Variants in SHISA9 observed in about 807,000 individuals in gnomAD.
SHISA9 encodes the protein shisa family member 9, also known as protein shisa-9.
In SHISA9, 13 loss-of-function variants were observed where a neutral mutation model predicts 38.0. The ratio of observed to expected loss-of-function variants is 0.34; its 90% CI spans 0.22 to 0.54. SHISA9 has a LOEUF of 0.54. Among genes scored for constraint, SHISA9 ranks in the 20% least tolerant of loss-of-function variants. SHISA9 has a pLI of 0.91. For synonymous variants in SHISA9, 275 were observed against 242.0 expected, an observed-to-expected ratio of 1.14 and a Z score of -1.27; for missense variants, 538 against 575.8, an observed-to-expected ratio of 0.93 and a Z score of 0.67.
chr16:13,220,941 G>GCAAAGCC (rs2051218114), intron 4 of SHISA9, among the ~76,000 whole-genome samples: 1 of 151,982 alleles, frequency 6.6e-6, no homozygotes, highest in African/African-American at 2.4e-5. Flanking sequence ...CAGCTTTGTT[G>GCAAAGCC]CAAAGCCCAA....
At chr16:13,392,404 A>G in the SHISA9 span, among the ~76,000 whole-genome samples, 2 of 152,166 alleles carry the variant, frequency 1.3e-5, no homozygotes, top group South Asian at 4.1e-4. Flanking sequence ...CACCTTAAAT[A>G]TATACATTTA....
chr16:13,517,738 A>T, the SHISA9 span, among the ~76,000 whole-genome samples: 2 of 152,190 alleles, frequency 1.3e-5, no homozygotes, highest in African/African-American at 4.8e-5. Context: ...CCTCCCAGTT[A>T]CATGGCAGGC....
chr16:12,916,366 A>T (rs1336091323), intron 1 of SHISA9, among the ~76,000 whole-genome samples: 1 of 152,230 alleles, frequency 6.6e-6, no homozygotes, highest in Non-Finnish European at 1.5e-5. Context: ...GTTAGATATA[A>T]AGAGAGAACT....
chr16:13,282,709 T>C, the SHISA9 span, among the ~76,000 whole-genome samples: 1 of 152,252 alleles, frequency 6.6e-6, no homozygotes, highest in East Asian at 1.9e-4. Flanking sequence ...TTCTTTAGGT[T>C]GCATAACTTT....
intron 2 of SHISA9, among the ~76,000 whole-genome samples, chr16:13,130,909 T>A (rs1295933484): frequency 6.6e-6 from 1 of 152,138 alleles, no homozygotes; most frequent in Non-Finnish European, 1.5e-5. Context: ...GAAACCACAG[T>A]GAGATACCAA....
chr16:12,915,568 C>T (rs1454990708), intron 1 of SHISA9, among the ~76,000 whole-genome samples: 9 of 152,292 alleles, frequency 5.9e-5, no homozygotes, highest in Admixed American at 2.6e-4. Flanking sequence ...GCAATGATGG[C>T]AGCTGTTTGT....
the SHISA9 span, among the ~76,000 whole-genome samples, chr16:13,253,828 A>T: frequency 6.6e-6 from 1 of 152,212 alleles, no homozygotes; most frequent in Non-Finnish European, 1.5e-5. Flanking sequence ...TAAGGTCAAA[A>T]GGTGACACAT....
In SHISA9 at chr16:13,199,753, C is replaced by A. The variant is rs78011571; in HGVS notation, c.692-3641C>A. 3.5e-3 allele frequency among the ~76,000 whole-genome samples: 527 copies of A among 152,270 alleles called. 3 individuals are homozygous for A. Among genetic ancestry groups the A allele is most frequent in the African/African-American group, 0.011 (462 of 41,556 alleles). On this transcript the variant is annotated intron_variant, in intron 2 of 4. Transcript: ENST00000558583. The stretch of plus-strand genomic sequence containing the variant: ...GGCCCAGCATAGATCACATGCTCTC[C>A]TCTGGTCCAATCATCATTATAAGAA...
intron 2 of SHISA9, among the ~76,000 whole-genome samples, chr16:13,071,600 C>CCTTCCTTCCTT (rs372979908): frequency 1.8e-4 from 26 of 145,266 alleles, no homozygotes; most frequent in African/African-American, 6.8e-4. Context: ...TTCCTTCCTT[C>CCTTCCTTCCTT]CCTTTCTTCC....
chr16:13,152,828 ATATGT>A (rs1245315609), intron 2 of SHISA9, among the ~76,000 whole-genome samples: 6 of 152,204 alleles, frequency 3.9e-5, no homozygotes, highest in African/African-American at 1.2e-4. Context: ...AACTACATAA[ATATGT>A]TAGGTTACAT....
At chr16:13,551,811 G>A in the SHISA9 span, among the ~76,000 whole-genome samples, 6 of 152,216 alleles carry the variant, frequency 3.9e-5, no homozygotes, top group East Asian at 5.8e-4. Context: ...GGCAGATCAC[G>A]AGGTCAGGAG....
At chr16:13,227,814 A>G (rs909844651) in intron 4 of SHISA9, among the ~76,000 whole-genome samples, 6 of 152,280 alleles carry the variant, frequency 3.9e-5, no homozygotes, top group Non-Finnish European at 8.8e-5. Flanking sequence ...TAAACTAGGC[A>G]CTCAACAAAC....
the SHISA9 span, among the ~76,000 whole-genome samples, chr16:13,267,731 T>A: frequency 1.3e-5 from 2 of 152,194 alleles, no homozygotes; most frequent in Non-Finnish European, 2.9e-5. Flanking sequence ...CTGAATCTAT[T>A]CTCTGCTCCA....
At chr16:13,101,696 C>T (rs2141957701) in intron 2 of SHISA9, among the ~76,000 whole-genome samples, 1 of 152,256 alleles carries the variant, frequency 6.6e-6, no homozygotes, top group East Asian at 1.9e-4. Flanking sequence ...TTTTGAGGGA[C>T]CTCCATACTG....
At chr16:13,381,648 C>T in the SHISA9 span, among the ~76,000 whole-genome samples, 24 of 151,976 alleles carry the variant, frequency 1.6e-4, no homozygotes, top group East Asian at 3.9e-4. Flanking sequence ...CCTTTTTTAG[C>T]GCTAAATTCT....
chr16:13,522,412 T>G, the SHISA9 span, among the ~76,000 whole-genome samples: 1 of 151,972 alleles, frequency 6.6e-6, no homozygotes, highest in Admixed American at 6.6e-5. Context: ...TCCCCCTCAG[T>G]GGTTTGATCA....
the SHISA9 span, among the ~76,000 whole-genome samples, chr16:13,353,529 T>C: frequency 1.3e-5 from 2 of 151,528 alleles, 1 homozygote; most frequent in Admixed American, 1.3e-4. Flanking sequence ...GTGTGAGTAG[T>C]TGAGATCGGT....
intron 2 of SHISA9, among the ~76,000 whole-genome samples, chr16:13,009,041 A>G (rs1294995938): frequency 2.6e-5 from 4 of 151,966 alleles, no homozygotes; most frequent in Non-Finnish European, 4.4e-5. Flanking sequence ...AAAAGTTAGC[A>G]CTTCATGAAT....
At chr16:13,170,630 C>T (rs2050677859) in intron 2 of SHISA9, among the ~76,000 whole-genome samples, 1 of 152,136 alleles carries the variant, frequency 6.6e-6, no homozygotes. Flanking sequence ...CACATGTACC[C>T]CTGAATTTCA....
Sources: allele counts gnomAD v4.1 joint callset (sites outside exome capture counted in the v4.1 genomes callset), GRCh38; gene constraint gnomAD v4.1.1; transcripts MANE v1.5; gene names NCBI Gene and HGNC (gene_info 2026-07-23, HGNC 2026-07-21).